COL6A5: variants seen among roughly 807,000 people sequenced by gnomAD.
COL6A5 encodes collagen alpha-5(VI) chain.
COL6A5 carries 48 observed loss-of-function variants against 65.6 expected under a neutral mutation model. The ratio of observed to expected loss-of-function variants is 0.73; its 90% confidence interval spans 0.58 to 0.93. COL6A5 has a LOEUF of 0.93. Among genes scored for constraint, COL6A5 ranks in the 40% least tolerant of loss-of-function variants. The pLI, the probability that COL6A5 is intolerant of heterozygous loss-of-function variation, is 0.00. For synonymous variants in COL6A5, 291 were observed against 322.8 expected (o/e 0.90, Z 1.05); for missense variants, 914 against 928.3 (o/e 0.98, Z 0.20).
At chr3:130,476,832 A>G (rs1048786843) in intron 7 of COL6A5, 23 of 650,814 alleles carry the variant, frequency 3.5e-5, no homozygotes, top group Non-Finnish European at 5.1e-5. Flanking sequence ...TGTTGTAATG[A>G]TATTATATAC....
At chr3:130,428,445 G>T (rs1230006803), upstream of COL6A5, among the ~76,000 whole-genome samples, 3 of 152,086 alleles carry the variant, frequency 2.0e-5, no homozygotes, top group East Asian at 1.9e-4. Flanking sequence ...AGAGAGAAAG[G>T]GGGTGGTTGA....
At chr3:130,446,307 A>G (rs924761209) in intron 4 of COL6A5, among the ~76,000 whole-genome samples, 10 of 152,274 alleles carry the variant, frequency 6.6e-5, no homozygotes, top group African/African-American at 2.4e-4. Flanking sequence ...AGGAAAAGGC[A>G]CATAAGCCCA....
intron 7 of COL6A5, chr3:130,471,804 C>A (rs1709959860): frequency 1.6e-5 from 24 of 1,535,128 alleles, no homozygotes; most frequent in Non-Finnish European, 2.1e-5. Flanking sequence ...GAGACAGCTA[C>A]TGATTTGATG....
At chr3:130,430,065 G>A (rs920197886), upstream of COL6A5, among the ~76,000 whole-genome samples, 1 of 152,120 alleles carries the variant, frequency 6.6e-6, no homozygotes, top group Non-Finnish European at 1.5e-5. Flanking sequence ...GGGGCTGCAT[G>A]GCACCTTAGA....
intron 10 of COL6A5, among the ~76,000 whole-genome samples, chr3:130,400,099 G>A (rs893795312): frequency 6.6e-6 from 1 of 152,090 alleles, no homozygotes; most frequent in Non-Finnish European, 1.5e-5. Context: ...CTCCGTCCTT[G>A]CCTAGAGCTT....
At chr3:130,432,454 G>A (rs2107695087) in intron 1 of COL6A5, among the ~76,000 whole-genome samples, 1 of 151,676 alleles carries the variant, frequency 6.6e-6, no homozygotes, top group East Asian at 1.9e-4. Context: ...AGGAGGCTGA[G>A]ACAGGAGGCT....
chr3:130,400,808 G>A (rs1246877549), intron 10 of COL6A5, among the ~76,000 whole-genome samples: 1 of 152,164 alleles, frequency 6.6e-6, no homozygotes, highest in Non-Finnish European at 1.5e-5. Context: ...TTTATCAGGG[G>A]ATTTCATGCG....
intron 30 of COL6A5, 25 bp from the exon 31 acceptor site, chr3:130,426,342 C>A: frequency 3.2e-6 from 5 of 1,551,346 alleles, no homozygotes; most frequent in Non-Finnish European, 4.4e-6. Context: ...CATTTCTTTT[C>A]TCTCTCCTTT....
rs746284668 is a variant in COL6A5, at chr3:130,385,134, C to T, written c.1631C>T (p.Pro544Leu). ...ATGAAGGATAGAATGAGCAAGGTTC[C>T]CTGTTACCTCATTGTGTTGACTGAT... is the stretch of plus-strand genomic sequence containing the variant. Residue 544 changes from proline to leucine, a missense_variant and NMD_transcript_variant, in exon 5 of 42, where the codon CCC becomes CTC. By Grantham distance (98) the Pro-to-Leu change is moderately conservative (BLOSUM62 -3). Coordinates refer to the COL6A5 transcript ENST00000312481. 6.6e-5 allele frequency: 103 copies of T among 1,550,830 alleles called. No individual in the cohort carries two copies. The highest frequency in any genetic ancestry group is 8.4e-5 in the Non-Finnish European group (96 of 1,146,504).
At chr3:130,405,598 G>C (rs2107668775) in exon 14 of COL6A5, 2 of 1,550,880 alleles carry the variant, frequency 1.3e-6, no homozygotes, top group East Asian at 4.9e-5. Context: ...GGAGTACGAG[G>C]AGACACAGGA....
chr3:130,375,680 T>C (rs1309601687), intron 2 of COL6A5, among the ~76,000 whole-genome samples: 1 of 152,112 alleles, frequency 6.6e-6, no homozygotes, highest in African/African-American at 2.4e-5. Flanking sequence ...CAGTTCCTCA[T>C]GGCTGGGGAG....
chr3:130,350,278 C>T (rs1934653418), intron 1 of COL6A5, among the ~76,000 whole-genome samples: 1 of 152,162 alleles, frequency 6.6e-6, no homozygotes, highest in African/African-American at 2.4e-5. Flanking sequence ...CTCACCACTC[C>T]TATTCAACAT....
chr3:130,402,884 A>G (rs1936862343), intron 12 of COL6A5, among the ~76,000 whole-genome samples: 2 of 152,198 alleles, frequency 1.3e-5, no homozygotes, highest in Non-Finnish European at 2.9e-5. Context: ...TAAAAAAAAG[A>G]GATCAACAAT....
At chr3:130,364,065 T>G (rs1935240684) in intron 1 of COL6A5, among the ~76,000 whole-genome samples, 1 of 152,146 alleles carries the variant, frequency 6.6e-6, no homozygotes. Flanking sequence ...GAAACCATAG[T>G]CCCAGGGCAA....
rs1033640030 is a variant in COL6A5, at chr3:130,345,995, G to T, written c.-29+14G>T. 1 of 398,806 alleles carries T rather than the reference G, an allele frequency of 2.5e-6. No individual in the cohort carries two copies. The highest frequency in any genetic ancestry group is 4.4e-5 in the Admixed American group (1 of 22,746). The allele number at this position is 398,806 out of a possible 1,614,324, so 24.7% of individuals were successfully genotyped here. On this transcript the variant is annotated intron_variant and NMD_transcript_variant, in intron 1 of 41. Coordinates refer to the COL6A5 transcript ENST00000312481. ...CGGGAAAGCTGGGTAAGTATGCGGT[G>T]CGGGGACTTGGGGCCTGAGGCAGGC... is the stretch of plus-strand genomic sequence containing the variant.
intron 25 of COL6A5, 24 bp downstream of exon 25, chr3:130,418,955 C>T: frequency 3.2e-6 from 5 of 1,545,478 alleles, no homozygotes; most frequent in Non-Finnish European, 4.4e-6. Context: ...AAGTCCCTAC[C>T]CTCCCCAGAT....
intron 5 of COL6A5, 63 bp downstream of exon 37, chr3:130,455,729 T>A (rs1396065965): frequency 3.1e-6 from 4 of 1,296,326 alleles, no homozygotes; most frequent in Non-Finnish European, 4.4e-6. Flanking sequence ...CTTTTAACAC[T>A]AGTAGAAAAT....
intron 6 of COL6A5, 45 bp from the exon 39 acceptor site, chr3:130,470,826 T>C (rs764781721): frequency 1.5e-5 from 21 of 1,385,686 alleles, no homozygotes; most frequent in Non-Finnish European, 2.1e-5. Context: ...GAGATAATAA[T>C]GTAGGTGGGT....
At chr3:130,407,095 G>A (rs1423922570) in intron 17 of COL6A5, among the ~76,000 whole-genome samples, 1 of 152,320 alleles carries the variant, frequency 6.6e-6, no homozygotes, top group African/African-American at 2.4e-5. Context: ...TGTCCAGAAA[G>A]TCTTCCTGGA....
Sources: gnomAD v4.1 joint callset for allele counts (sites outside exome capture counted in the v4.1 genomes callset) on GRCh38, gnomAD v4.1.1 for gene constraint, MANE v1.5 for transcripts, NCBI Gene and HGNC (gene_info 2026-07-23, HGNC 2026-07-21) for gene names.